The following ROBO1 variants were observed in gnomAD, a reference collection of about 807,000 sequenced individuals.
ROBO1 encodes roundabout guidance receptor 1, also known as roundabout homolog 1.
ROBO1 carries 149 observed loss-of-function variants against 195.9 expected under a neutral mutation model. The observed-to-expected ratio is 0.76, with a 90% CI of 0.67 to 0.87. The LOEUF is 0.87. Ranked by LOEUF, ROBO1 falls within the 40% of genes least tolerant of loss-of-function variation. ROBO1 has a pLI of 0.00. For missense variants in ROBO1, 1,933 were observed against 2,068.3 expected, an observed-to-expected ratio of 0.93 and a Z score of 1.27; for synonymous variants, 816 against 733.2, an observed-to-expected ratio of 1.11 and a Z score of -1.82.
At chr3:78,832,169 T>A (rs1447207325) in intron 4 of ROBO1, among the ~76,000 whole-genome samples, 1 of 152,218 alleles carries the variant, frequency 6.6e-6, no homozygotes, top group Non-Finnish European at 1.5e-5. Context: ...TCCTCATCCA[T>A]CTTTCTATTC....
At chr3:79,207,312 T>A (rs1461055822) in intron 2 of ROBO1, among the ~76,000 whole-genome samples, 1 of 152,156 alleles carries the variant, frequency 6.6e-6, no homozygotes, top group Non-Finnish European at 1.5e-5. Flanking sequence ...ACAATGCCTC[T>A]TATTTGTCAA....
At chr3:78,806,484 G>C (rs2108602640) in intron 4 of ROBO1, among the ~76,000 whole-genome samples, 1 of 152,222 alleles carries the variant, frequency 6.6e-6, no homozygotes, top group South Asian at 2.1e-4. Flanking sequence ...AGAAGACAGA[G>C]CCTACTTAAT....
At chr3:79,438,599 A>G (rs902781455) in intron 2 of ROBO1, among the ~76,000 whole-genome samples, 2 of 152,032 alleles carry the variant, frequency 1.3e-5, no homozygotes, top group Non-Finnish European at 2.9e-5. Flanking sequence ...GTGAGTTCTT[A>G]AGTACCCTCA....
intron 2 of ROBO1, among the ~76,000 whole-genome samples, chr3:79,223,210 C>T (rs769773965): frequency 3.3e-5 from 5 of 152,052 alleles, no homozygotes; most frequent in Non-Finnish European, 4.4e-5. Flanking sequence ...GCAGGGGACA[C>T]GAAAGGAACA....
intron 4 of ROBO1, among the ~76,000 whole-genome samples, chr3:78,832,654 T>C (rs1420923134): frequency 6.6e-6 from 1 of 152,204 alleles, no homozygotes; most frequent in Non-Finnish European, 1.5e-5. Flanking sequence ...AGTAGGTTAA[T>C]ATCAGGAGTG....
chr3:79,350,006 C>A (rs1230863186), intron 2 of ROBO1, among the ~76,000 whole-genome samples: 1 of 151,940 alleles, frequency 6.6e-6, no homozygotes, highest in Non-Finnish European at 1.5e-5. Context: ...AAAACACAAC[C>A]CACGGAATGG....
chr3:79,261,137 A>T (rs1003104387), intron 2 of ROBO1, among the ~76,000 whole-genome samples: 4 of 152,088 alleles, frequency 2.6e-5, no homozygotes, highest in Non-Finnish European at 2.9e-5. Context: ...GTTGATTTTT[A>T]AGGATTATCT....
intron 2 of ROBO1, among the ~76,000 whole-genome samples, chr3:79,190,764 A>C (rs2108754767): frequency 6.6e-6 from 1 of 151,748 alleles, no homozygotes; most frequent in South Asian, 2.1e-4. Flanking sequence ...CGCATCTCTA[A>C]GCTTTTTAAA....
chr3:79,239,053 C>G (rs957081702), intron 2 of ROBO1, among the ~76,000 whole-genome samples: 1 of 152,194 alleles, frequency 6.6e-6, no homozygotes, highest in African/African-American at 2.4e-5. Context: ...AGCCATTGCA[C>G]ATTCTCCAGC....
In ROBO1 at chr3:79,619,050, C is replaced by T. The variant is rs527703440; in HGVS notation, c.-50-29089G>A. Reference sequence around the variant, plus strand: ...ACATTCCATTGGTGTCTGATCACTGCGAGGACACCTGCCCTCATCATTCAC... The same window carrying T: ...ACATTCCATTGGTGTCTGATCACTGTGAGGACACCTGCCCTCATCATTCAC... On this transcript the variant is annotated intron_variant, in intron 1 of 30. Coordinates refer to ENST00000464233, the MANE Select transcript of ROBO1 (RefSeq NM_002941.4). Among the ~76,000 whole-genome samples, 871 of 152,152 alleles carry T rather than the reference C, an allele frequency of 5.7e-3. 6 individuals carry two copies. The highest frequency in any genetic ancestry group is 0.018 in the African/African-American group (752 of 41,534).
intron 3 of ROBO1, among the ~76,000 whole-genome samples, chr3:79,101,291 G>A (rs1018970888): frequency 1.3e-5 from 2 of 151,772 alleles, no homozygotes; most frequent in African/African-American, 4.8e-5. Flanking sequence ...AGCCACAAAT[G>A]AGCTTTGCCA....
At chr3:79,352,883 T>C (rs1470411129) in intron 2 of ROBO1, among the ~76,000 whole-genome samples, 2 of 152,224 alleles carry the variant, frequency 1.3e-5, no homozygotes, top group African/African-American at 2.4e-5. Context: ...ATTATATATA[T>C]ATACACTCAT....
At chr3:78,782,494 G>A (rs1313440476) in intron 4 of ROBO1, among the ~76,000 whole-genome samples, 2 of 152,028 alleles carry the variant, frequency 1.3e-5, no homozygotes, top group African/African-American at 4.8e-5. Context: ...ACTGTGCCTG[G>A]CCCATAAATT....
intron 14 of ROBO1, among the ~76,000 whole-genome samples, chr3:78,667,089 G>A (rs188026691): frequency 1.9e-4 from 29 of 152,106 alleles, no homozygotes; most frequent in Middle Eastern, 6.8e-3. Flanking sequence ...GATCTCAAGA[G>A]AGTATTATTT....
chr3:78,727,543 T>G (rs1367911805), intron 5 of ROBO1, among the ~76,000 whole-genome samples: 3 of 152,128 alleles, frequency 2.0e-5, no homozygotes, highest in Admixed American at 2.0e-4. Flanking sequence ...GAGAATGGCG[T>G]GAACCCAGGA....
chr3:78,941,196 T>G (rs1277847626), intron 3 of ROBO1, among the ~76,000 whole-genome samples: 1 of 152,210 alleles, frequency 6.6e-6, no homozygotes, highest in Non-Finnish European at 1.5e-5. Flanking sequence ...GAAACACTAA[T>G]AACTTTAGCT....
chr3:78,797,331 T>C (rs1261796167), intron 4 of ROBO1, among the ~76,000 whole-genome samples: 1 of 152,224 alleles, frequency 6.6e-6, no homozygotes, highest in Admixed American at 6.5e-5. Context: ...TTTACATTAC[T>C]TGGTATTGGC....
chr3:79,456,484 C>T (rs1209596554), intron 2 of ROBO1, among the ~76,000 whole-genome samples: 1 of 152,012 alleles, frequency 6.6e-6, no homozygotes, highest in Non-Finnish European at 1.5e-5. Context: ...GGTTGGATAG[C>T]TTAAAGCCCA....
At chr3:79,694,937 A>T (rs1947399428) in intron 1 of ROBO1, among the ~76,000 whole-genome samples, 1 of 151,568 alleles carries the variant, frequency 6.6e-6, no homozygotes. Context: ...TGATTCTAGG[A>T]TTCTCTCTTA....
Sources: allele counts gnomAD v4.1 joint callset (sites outside exome capture counted in the v4.1 genomes callset), GRCh38; gene constraint gnomAD v4.1.1; transcripts MANE v1.5; gene names NCBI Gene and HGNC (gene_info 2026-07-23, HGNC 2026-07-21).